The following NDST1 variants were observed in gnomAD, a reference collection of about 807,000 sequenced individuals.
The protein encoded by NDST1 is bifunctional heparan sulfate N-deacetylase/N-sulfotransferase 1.
A neutral mutation model predicts 92.8 loss-of-function variants in NDST1; 35 were observed. The observed-to-expected ratio is 0.38, with a 90% CI of 0.29 to 0.50. NDST1 has a LOEUF of 0.50. NDST1 is among the 20% of genes least tolerant of loss of function. The pLI, the probability that NDST1 is intolerant of heterozygous loss-of-function variation, is 0.94. For missense variants in NDST1, 822 were observed against 1,182.7 expected (o/e 0.69, Z 4.47); for synonymous variants, 493 against 500.3 (o/e 0.99, Z 0.19).
chr5:150,550,547 G>C (rs1172445030), intron 13 of NDST1: 1 of 152,376 alleles, frequency 6.6e-6, no homozygotes, highest in African/African-American at 2.4e-5. Context: ...GCTAGGAAAG[G>C]CTGCTTTCCT....
At chr5:150,543,783 C>CTT (rs975427121) in intron 10 of NDST1, among the ~76,000 whole-genome samples, 31 of 142,194 alleles carry the variant, frequency 2.2e-4, no homozygotes, top group African/African-American at 7.9e-4. Context: ...TTCTGTCTTT[C>CTT]TTTTTTTTTT....
chr5:150,550,293 G>A (rs1755664800), intron 13 of NDST1: 2 of 173,638 alleles, frequency 1.2e-5, no homozygotes, highest in South Asian at 2.6e-4. Context: ...GTAGAGAAGG[G>A]GTTTCACCAT....
chr5:150,528,161 A>C lies in NDST1; in HGVS notation c.871A>C (p.Lys291Gln), dbSNP rs931213084. The change falls in exon 3 of 15, where the codon AAG becomes CAG. Residue 291 changes from lysine (K) to glutamine (Q), a missense_variant. Physicochemically the swap from Lys to Gln is moderately conservative, Grantham distance 53. Transcript: ENST00000261797. ...FGNNLNFWLH[K>Q]LVFVDAVAFL... ...CAACAACCTGAACTTCTGGCTGCACAAGCTTGTCTTCGTGGATGCCGTGGC... is the reference window on the plus strand; with the variant it reads ...CAACAACCTGAACTTCTGGCTGCACCAGCTTGTCTTCGTGGATGCCGTGGC... The C allele has an allele frequency of 5.6e-6, 9 of 1,614,090 alleles. No homozygotes were observed. Among genetic ancestry groups the C allele is most frequent in the Non-Finnish European group, 7.6e-6 (9 of 1,180,040 alleles).
intron 10 of NDST1, among the ~76,000 whole-genome samples, chr5:150,543,843 G>A (rs1287613531): frequency 2.0e-5 from 3 of 151,694 alleles, no homozygotes; most frequent in Non-Finnish European, 2.9e-5. Context: ...GCAGTGGCGC[G>A]ATCTCGGCTT....
At chr5:150,538,147 C>T (rs139301887) in intron 6 of NDST1, among the ~76,000 whole-genome samples, 52 of 151,960 alleles carry the variant, frequency 3.4e-4, no homozygotes, top group Middle Eastern at 3.4e-3. Context: ...GGCCCTGAAG[C>T]GGGCTGTGCT....
Position 150,540,077 on chromosome 5 carries a change from A to G in NDST1, c.1567-5A>G. On this transcript the variant is annotated splice_polypyrimidine_tract_variant and splice_region_variant and intron_variant, in intron 7 of 14. Coordinates refer to ENST00000261797, the MANE Select transcript of NDST1 (RefSeq NM_001543.5). ...CTGCCTCTCTCCTCCCCTCCCCTGG[A>G]GCAGATCAGCATCTTCATGACGCAC... The G allele has an allele frequency of 6.2e-7, 1 of 1,614,084 alleles. No individual in the cohort carries two copies. The highest frequency in any genetic ancestry group is 8.5e-7 in the Non-Finnish European group (1 of 1,180,006).
intron 1 of NDST1, among the ~76,000 whole-genome samples, chr5:150,500,038 C>T (rs1561583910): frequency 6.6e-6 from 1 of 152,220 alleles, no homozygotes; most frequent in Admixed American, 6.5e-5. Flanking sequence ...TATCCGACAG[C>T]TCCCTTGTCC....
At position 150,542,752 on chromosome 5, in the gene NDST1, C is replaced by T. The variant is rs1755301031; in HGVS notation, c.1847-96C>T. On this transcript the variant is annotated intron_variant, in intron 9 of 14. Transcript: ENST00000261797. ...AGAAAGGCAGAGACCTTCCCAGGAG[C>T]CCCCAGTGGGTCGTGGGGAGCTAGG... The T allele has an allele frequency of 3.3e-6, 5 of 1,497,000 alleles. No homozygotes were observed. The East Asian group carries it at 9.1e-5, about 27-fold the overall frequency. The allele number at this position is 1,497,000 out of a possible 1,614,324, so 92.7% of individuals were successfully genotyped here.
intron 1 of NDST1, among the ~76,000 whole-genome samples, chr5:150,509,520 C>G (rs558985754): frequency 9.1e-4 from 139 of 152,170 alleles, no homozygotes; most frequent in Middle Eastern, 6.8e-3. Flanking sequence ...GAGGTGGCCC[C>G]CCTTTCTTTA....
At chr5:150,510,803 G>A (rs1753687205) in intron 1 of NDST1, among the ~76,000 whole-genome samples, 1 of 152,238 alleles carries the variant, frequency 6.6e-6, no homozygotes, top group Non-Finnish European at 1.5e-5. Flanking sequence ...TTGATTGACG[G>A]ATGATCTGTG....
chr5:150,509,856 C>T (rs1441607730), intron 1 of NDST1, among the ~76,000 whole-genome samples: 1 of 152,178 alleles, frequency 6.6e-6, no homozygotes, highest in Non-Finnish European at 1.5e-5. Flanking sequence ...GCGTGAGGAC[C>T]CTCTGGCTGA....
At chr5:150,533,667 C>A (rs958418907) in intron 4 of NDST1, among the ~76,000 whole-genome samples, 1 of 152,166 alleles carries the variant, frequency 6.6e-6, no homozygotes, top group Non-Finnish European at 1.5e-5. Flanking sequence ...CTCTTGAATT[C>A]TAAGAAAACC....
intron 9 of NDST1, 144 bp from the exon 10 acceptor site, chr5:150,542,704 A>G (rs1755298589): frequency 1.9e-6 from 2 of 1,030,768 alleles, no homozygotes; most frequent in African/African-American, 3.2e-5. Context: ...CCTTCATTGC[A>G]CAGATGAAGA....
At chr5:150,537,491 G>A (rs1354355546) in intron 6 of NDST1, among the ~76,000 whole-genome samples, 1 of 152,136 alleles carries the variant, frequency 6.6e-6, no homozygotes, top group Non-Finnish European at 1.5e-5. Flanking sequence ...ATAAGCCCCG[G>A]TCTCCCATAG....
At chr5:150,512,267 G>C (rs890716494) in intron 1 of NDST1, among the ~76,000 whole-genome samples, 1 of 152,170 alleles carries the variant, frequency 6.6e-6, no homozygotes, top group South Asian at 2.1e-4. Flanking sequence ...GCAGGGAGCA[G>C]TGTGTGGTCC....
chr5:150,540,705 A>G (rs571886738), intron 8 of NDST1, among the ~76,000 whole-genome samples: 2 of 152,124 alleles, frequency 1.3e-5, no homozygotes, highest in South Asian at 4.2e-4. Flanking sequence ...AGTCCCAGCT[A>G]CTCGTGAGGC....
upstream of NDST1, among the ~76,000 whole-genome samples, chr5:150,505,970 A>G (rs1022451012): frequency 2.0e-5 from 3 of 151,960 alleles, no homozygotes; most frequent in Admixed American, 2.0e-4. Context: ...TATGTGACCA[A>G]ACTGAGGCCG....
chr5:150,517,455 G>A (rs912954766), intron 1 of NDST1, among the ~76,000 whole-genome samples: 2 of 152,108 alleles, frequency 1.3e-5, no homozygotes, highest in Admixed American at 1.3e-4. Flanking sequence ...TGGTAAATTT[G>A]TTGCAACAGA....
In NDST1 at chr5:150,553,406, G is replaced by A; in HGVS notation, c.*74G>A. 6.3e-7 allele frequency: 1 copy of A among 1,582,522 alleles called. No homozygotes were observed. Among genetic ancestry groups the A allele is most frequent in the South Asian group, 1.1e-5 (1 of 90,128 alleles). On this transcript the variant is annotated 3_prime_UTR_variant, in exon 15 of 15. Transcript: ENST00000261797. The surrounding 1 kb of genome is among the most constrained non-coding windows in gnomAD (Gnocchi z 4.2). ...CACCACACGCTGAGCCAGACCTGCA[G>A]AGTGGGAAGCTGGACCAGGGCAGCT...
Sources: gnomAD v4.1 joint callset for allele counts (sites outside exome capture counted in the v4.1 genomes callset) on GRCh38, gnomAD v4.1.1 for gene constraint, Gnocchi (gnomAD v3.1) non-coding constraint, MANE v1.5 for transcripts, NCBI Gene and HGNC (gene_info 2026-07-23, HGNC 2026-07-21) for gene names.